The following PRDX4 variants were observed in gnomAD, a reference collection of about 807,000 sequenced individuals.
PRDX4 encodes the protein peroxiredoxin-4.
A neutral mutation model predicts 20.5 loss-of-function variants in PRDX4; 12 were observed. The observed-to-expected ratio is 0.58, with a 90% CI of 0.37 to 0.95. PRDX4 has a LOEUF of 0.95. PRDX4 is among the 40% of genes least tolerant of loss of function. PRDX4 has a pLI of 0.01. For synonymous variants in PRDX4, 99 were observed against 87.5 expected (o/e 1.13, Z -0.73); for missense variants, 180 against 207.3 (o/e 0.87, Z 0.81).
At chrX:23,678,805 G>A (rs1024207131) in intron 3 of PRDX4, among the ~76,000 whole-genome samples, 1 of 110,817 alleles carries the variant, frequency 9.0e-6, no homozygotes, top group South Asian at 3.8e-4. Context: ...CCAGTGGGAT[G>A]GTGCACACCT....
chrX:23,670,198 G>A (rs1927817846), intron 1 of PRDX4, among the ~76,000 whole-genome samples: 1 of 111,419 alleles, frequency 9.0e-6, no homozygotes, highest in South Asian at 3.7e-4. Context: ...TCAATTTTCA[G>A]AACAAAATTT....
intron 5 of PRDX4, among the ~76,000 whole-genome samples, chrX:23,683,346 T>C (rs1928124111): frequency 8.9e-6 from 1 of 111,827 alleles, no homozygotes; most frequent in Non-Finnish European, 1.9e-5. Flanking sequence ...TGGAGGAATT[T>C]TTGCCATGCC....
chrX:23,670,624 A>G (rs1037222197), intron 1 of PRDX4, among the ~76,000 whole-genome samples: 1 of 112,338 alleles, frequency 8.9e-6, no homozygotes. Flanking sequence ...ATGTGTTAAC[A>G]GAGCATGAAG....
intron 2 of PRDX4, 109 bp from the exon 3 acceptor site, chrX:23,674,878 GTTC>G: frequency 2.0e-6 from 2 of 988,293 alleles, no homozygotes; most frequent in Middle Eastern, 3.4e-4. Flanking sequence ...ATATAAAATT[GTTC>G]TTAATGTGCA....
At chrX:23,679,136 C>A in intron 3 of PRDX4, 29 bp from the exon 4 acceptor site, 1 of 1,201,347 alleles carries the variant, frequency 8.3e-7, no homozygotes, top group Non-Finnish European at 1.1e-6. Flanking sequence ...TTACTTAGCT[C>A]TGAGAGGTAA....
At chrX:23,682,747 A>G (rs1484298094) in intron 5 of PRDX4, among the ~76,000 whole-genome samples, 2 of 96,568 alleles carry the variant, frequency 2.1e-5, no homozygotes, top group African/African-American at 7.6e-5. Context: ...TTGGGAGGCC[A>G]AGGTAGGAGG....
rs368024873 is a variant in PRDX4 at position 23,679,149 on chromosome X, G to A, written c.477-16G>A. On this transcript the variant is annotated splice_polypyrimidine_tract_variant and intron_variant, in intron 3 of 6. Coordinates refer to ENST00000379341, the MANE Select transcript of PRDX4 (RefSeq NM_006406.2). ...GTTTACTTAGCTCTGAGAGGTAAGC[G>A]TTCTGTTTGTTACAGGATTAATACC... The A allele has an allele frequency of 2.5e-5, 30 of 1,201,841 alleles. No homozygotes were observed. Among genetic ancestry groups the A allele is most frequent in the South Asian group, 2.0e-4 (11 of 55,376 alleles).
At position 23,667,592 on chromosome X, in the gene PRDX4, G is replaced by A; in HGVS notation, c.22G>A (p.Ala8Thr). ...GGTCATGGAGGCGCTGCCGCTGCTA[G>A]CCGCGACAACTCCGGACCACGGCCG... Reference protein sequence around the residue: MEALPLLAATTPDHGRHR... With the variant: MEALPLLTATTPDHGRHR... The change falls in exon 1 of 7, where the codon GCC (alanine) becomes ACC (threonine). Residue 8 changes from alanine to threonine, a missense_variant. Physicochemically the swap from Ala to Thr is moderately conservative, Grantham distance 58. This residue lies in a region of PRDX4 where 105 missense variants were observed against 114.2 expected (regional missense o/e 0.92). Transcript: ENST00000379341. The A allele has an allele frequency of 8.4e-7, 1 of 1,191,123 alleles. No individual in the cohort carries two copies. Among genetic ancestry groups the A allele is most frequent in the Non-Finnish European group, 1.1e-6 (1 of 885,624 alleles).
chrX:23,686,007 A>G, intron 6 of PRDX4: 1 of 414,826 alleles, frequency 2.4e-6, no homozygotes, highest in South Asian at 2.7e-5. Flanking sequence ...ATTAGATCAA[A>G]CCTGAAGATA....
Position 23,682,383 on chromosome X carries a change from T to A in PRDX4, c.600-13T>A, listed in dbSNP as rs200573408. 85 of 1,122,761 alleles carry A rather than the reference T, an allele frequency of 7.6e-5. No individual in the cohort carries two copies. The highest frequency in any genetic ancestry group is 1.1e-5 in the Non-Finnish European group (9 of 842,122). 92.5% of individuals were successfully genotyped at this position (1,122,761 alleles called of 1,213,427 possible). ...AGAAATGACCTCATCTCTACCATTCTTCTGTTTTACAGAGGTCTCTTCATT... is the reference window on the plus strand; with the variant it reads ...AGAAATGACCTCATCTCTACCATTCATCTGTTTTACAGAGGTCTCTTCATT... On this transcript the variant is annotated splice_polypyrimidine_tract_variant and intron_variant, in intron 4 of 6. Coordinates refer to ENST00000379341, the MANE Select transcript of PRDX4 (RefSeq NM_006406.2).
intron 2 of PRDX4, among the ~76,000 whole-genome samples, chrX:23,674,687 G>C (rs1927909813): frequency 1.8e-5 from 2 of 111,671 alleles, no homozygotes; most frequent in Admixed American, 1.9e-4. Flanking sequence ...TTAAATAAAA[G>C]TAATAAAATG....
rs777020458 is a variant in PRDX4, at chrX:23,667,773, C to T, written c.203C>T (p.Ser68Leu). The change falls in exon 1 of 7, where the codon TCG becomes TTG. Residue 68 changes from serine (S) to leucine (L), a missense_variant. Ser to Leu is a moderately radical substitution (Grantham distance 145). Around this residue, in one of 3 missense-constraint regions of PRDX4, gnomAD observed 105 missense variants for 114.2 expected, o/e 0.92. Coordinates refer to ENST00000379341, the MANE Select transcript of PRDX4 (RefSeq NM_006406.2). ...QVYPGEASRVSVADHSLHLSK... is the reference protein window; with the variant it reads ...QVYPGEASRVLVADHSLHLSK... The stretch of plus-strand genomic sequence containing the variant: ...TACCCGGGAGAGGCATCCCGGGTAT[C>T]GGTCGCCGACCACTCCCTGCACCTA... 7.4e-6 allele frequency: 9 copies of T among 1,211,293 alleles called. No homozygotes were observed. Among genetic ancestry groups the T allele is most frequent in the Non-Finnish European group, 1.0e-5 (9 of 895,339 alleles).
In PRDX4 at chrX:23,667,672, T is replaced by C; in HGVS notation, c.102T>C (p.Ala34=). Residue 34 remains alanine (A), a synonymous_variant, in exon 1 of 7, where the codon GCT becomes GCC. Coordinates refer to ENST00000379341, the MANE Select transcript of PRDX4 (RefSeq NM_006406.2). ...TGCTGTTCCTGCTGCCGGCTGGAGC[T>C]GTGCAGGGCTGGGAGACAGAGGAGA... ...PLLLFLLPAG[A]VQGWETEERP... 1.7e-6 allele frequency: 2 copies of C among 1,209,930 alleles called. No homozygotes were observed. The highest frequency in any genetic ancestry group is 2.2e-6 in the Non-Finnish European group (2 of 894,610).
chrX:23,669,021 G>A (rs1245133877), intron 1 of PRDX4, among the ~76,000 whole-genome samples: 2 of 110,617 alleles, frequency 1.8e-5, no homozygotes, highest in African/African-American at 3.3e-5. Flanking sequence ...CGCCGCCCGG[G>A]TTCAAGCGAT....
At chrX:23,676,438 C>A (rs1344505011) in intron 3 of PRDX4, among the ~76,000 whole-genome samples, 1 of 110,911 alleles carries the variant, frequency 9.0e-6, no homozygotes, top group Non-Finnish European at 1.9e-5. Flanking sequence ...ATGCCAAATT[C>A]TCTTAAACAT....
chrX:23,686,144 C>A (rs1484948042), intron 6 of PRDX4, 141 bp from the exon 7 acceptor site: 2 of 468,641 alleles, frequency 4.3e-6, no homozygotes, highest in East Asian at 3.9e-5. Context: ...GTAGGCAGGA[C>A]AAATCTCATT....
Position 23,684,614 on chromosome X carries a change from C to T in PRDX4, c.765+909C>T, listed in dbSNP as rs760257190. Among the ~76,000 whole-genome samples, 6 of 110,355 alleles carry T rather than the reference C, an allele frequency of 5.4e-5. No individual in the cohort carries two copies. In the East Asian group the frequency reaches 1.7e-3, roughly 32 times the overall value. The stretch of plus-strand genomic sequence containing the variant: ...CTCCAGGGTTCATGCAATTCTCATG[C>T]CTCAGCCCCCTAAGTAGCTGGGACT... On this transcript the variant is annotated intron_variant, in intron 6 of 6. Transcript: ENST00000379341.
intron 6 of PRDX4, among the ~76,000 whole-genome samples, chrX:23,685,826 T>G (rs1302967672): frequency 2.7e-5 from 3 of 109,841 alleles, no homozygotes; most frequent in Non-Finnish European, 3.8e-5. Flanking sequence ...TTTTTGTTTT[T>G]TTTTTTTTAC....
At chrX:23,683,367 A>G (rs1048077943) in intron 5 of PRDX4, among the ~76,000 whole-genome samples, 1 of 111,684 alleles carries the variant, frequency 9.0e-6, no homozygotes, top group Non-Finnish European at 1.9e-5. Context: ...CAGGCCTTTC[A>G]GCTCACCAGA....
Sources: allele counts gnomAD v4.1 joint callset (sites outside exome capture counted in the v4.1 genomes callset), GRCh38; gene constraint gnomAD v4.1.1; regional missense constraint gnomAD v4.1.1; transcripts MANE v1.5; gene names NCBI Gene and HGNC (gene_info 2026-07-23, HGNC 2026-07-21).